CYP39A1: variants seen among roughly 807,000 people sequenced by gnomAD.
The protein encoded by CYP39A1 is cytochrome P450 family 39 subfamily A member 1, also known as 24-hydroxycholesterol 7-alpha-hydroxylase.
In CYP39A1, 49 loss-of-function variants were observed where a neutral mutation model predicts 58.1. That is an observed-to-expected ratio of 0.84 (90% CI 0.67 to 1.07). The LOEUF is 1.07. CYP39A1 is among the 50% of genes least tolerant of loss of function. CYP39A1 has a pLI of 0.00. For missense variants in CYP39A1, 531 were observed against 539.4 expected (o/e 0.98, Z 0.16); for synonymous variants, 209 against 187.6 (o/e 1.11, Z -0.93).
intron 8 of CYP39A1, among the ~76,000 whole-genome samples, chr6:46,595,376 T>A (rs1038778730): frequency 6.6e-6 from 1 of 152,022 alleles, no homozygotes; most frequent in South Asian, 2.1e-4. Context: ...ATAAAATGTA[T>A]ATATACATAA....
At chr6:46,623,984 A>AT (rs34444695) in intron 7 of CYP39A1, among the ~76,000 whole-genome samples, 19,122 of 152,176 alleles carry the variant, frequency 0.13, 1,243 homozygotes, top group Middle Eastern at 0.19. Flanking sequence ...TCGAAGGAGC[A>AT]TTTTTTGTGT....
At chr6:46,641,357 A>G (rs1285464633) in intron 2 of CYP39A1, among the ~76,000 whole-genome samples, 3 of 152,182 alleles carry the variant, frequency 2.0e-5, no homozygotes, top group Non-Finnish European at 4.4e-5. Context: ...AGAAGAAAAA[A>G]TATATATAAT....
At chr6:46,550,870 T>C (rs991832488) in intron 11 of CYP39A1, among the ~76,000 whole-genome samples, 1 of 152,196 alleles carries the variant, frequency 6.6e-6, no homozygotes, top group African/African-American at 2.4e-5. Context: ...AGCGTATTCA[T>C]GATCGTGACT....
intron 10 of CYP39A1, among the ~76,000 whole-genome samples, chr6:46,566,855 C>T (rs1771317865): frequency 6.6e-6 from 1 of 151,694 alleles, no homozygotes; most frequent in African/African-American, 2.4e-5. Flanking sequence ...TATATACACA[C>T]ACATACATAT....
chr6:46,616,152 CTTTCTTTCTT>C (rs1200961865), intron 7 of CYP39A1, among the ~76,000 whole-genome samples: 1 of 7,610 alleles, frequency 1.3e-4, no homozygotes, highest in Non-Finnish European at 2.5e-4. Context: ...TTCTTTCTTT[CTTTCTTTCTT>C]TTTTCTTTCT....
chr6:46,611,589 G>A (rs759878661), intron 7 of CYP39A1, among the ~76,000 whole-genome samples: 31 of 152,140 alleles, frequency 2.0e-4, no homozygotes, highest in Non-Finnish European at 3.7e-4. Context: ...GTTATTTTAA[G>A]AAGTGCTTCT....
chr6:46,636,827 G>T (rs1776018127), intron 4 of CYP39A1, among the ~76,000 whole-genome samples: 1 of 152,170 alleles, frequency 6.6e-6, no homozygotes, highest in South Asian at 2.1e-4. Flanking sequence ...ACCAATCGCT[G>T]ACTTAAGCCG....
intron 8 of CYP39A1, among the ~76,000 whole-genome samples, chr6:46,593,270 G>C (rs1296890700): frequency 6.6e-6 from 1 of 152,082 alleles, no homozygotes; most frequent in Non-Finnish European, 1.5e-5. Context: ...GTTTGAGCAT[G>C]GGTATCTCTT....
chr6:46,572,555 G>A (rs1046289609), intron 10 of CYP39A1, among the ~76,000 whole-genome samples: 1 of 152,234 alleles, frequency 6.6e-6, no homozygotes, highest in East Asian at 1.9e-4. Flanking sequence ...AGGTTCTCTT[G>A]TATGTGACAA....
intron 10 of CYP39A1, among the ~76,000 whole-genome samples, chr6:46,567,336 C>A (rs1182473549): frequency 7.2e-6 from 1 of 139,664 alleles, no homozygotes; most frequent in African/African-American, 3.2e-5. Context: ...GAAAAATATT[C>A]CATATATATA....
At chr6:46,593,986 T>G (rs918706362) in intron 8 of CYP39A1, among the ~76,000 whole-genome samples, 4 of 152,128 alleles carry the variant, frequency 2.6e-5, no homozygotes, top group African/African-American at 9.6e-5. Flanking sequence ...CCTAAAATTG[T>G]CTTCCAGCTA....
chr6:46,629,786 A>G (rs1775536326), intron 6 of CYP39A1, among the ~76,000 whole-genome samples: 1 of 152,236 alleles, frequency 6.6e-6, no homozygotes, highest in South Asian at 2.1e-4. Context: ...GAAAACAAGT[A>G]TATTTAAAAA....
intron 8 of CYP39A1, among the ~76,000 whole-genome samples, chr6:46,592,580 T>C (rs1772904546): frequency 6.6e-6 from 1 of 152,178 alleles, no homozygotes; most frequent in Non-Finnish European, 1.5e-5. Context: ...GAACAGGGAC[T>C]AGTTTAAAAA....
At chr6:46,636,823 C>T (rs904960703) in intron 4 of CYP39A1, among the ~76,000 whole-genome samples, 5 of 152,162 alleles carry the variant, frequency 3.3e-5, no homozygotes, top group African/African-American at 1.2e-4. Context: ...CAGAACCAAT[C>T]GCTGACTTAA....
rs1254860356 is a variant in CYP39A1, at chr6:46,631,013, G to A, written c.790C>T (p.Pro264Ser). Residue 264 changes from proline to serine, a missense_variant, in exon 6 of 12, where the codon CCC (proline) becomes TCC (serine). Physicochemically the swap from Pro to Ser is moderately conservative, Grantham distance 74 (BLOSUM62 -1). Coordinates refer to ENST00000275016, the MANE Select transcript of CYP39A1 (RefSeq NM_016593.5). ...VETETSKENS[P>S]NYGLLLLWAS... ...CAAAGCAGTAAGAGCCCATAATTGG[G>A]TGAGTTTTCCTTACTTGTTTCCGTC... 2.5e-6 allele frequency: 4 copies of A among 1,614,060 alleles called. No individual in the cohort carries two copies. Among genetic ancestry groups the A allele is most frequent in the Non-Finnish European group, 3.4e-6 (4 of 1,180,012 alleles).
intron 7 of CYP39A1, among the ~76,000 whole-genome samples, chr6:46,609,410 G>A (rs1237377512): frequency 3.5e-5 from 5 of 142,160 alleles, no homozygotes; most frequent in African/African-American, 5.2e-5. Context: ...GCGAGACTCC[G>A]TCTCAAAAAA....
intron 10 of CYP39A1, among the ~76,000 whole-genome samples, chr6:46,570,178 T>C (rs1228979746): frequency 1.3e-5 from 2 of 152,142 alleles, no homozygotes; most frequent in East Asian, 3.8e-4. Flanking sequence ...ATCCTATGTG[T>C]TATCTGTTGT....
chr6:46,581,754 G>A (rs1772145187), intron 10 of CYP39A1, among the ~76,000 whole-genome samples: 1 of 152,008 alleles, frequency 6.6e-6, no homozygotes, highest in Non-Finnish European at 1.5e-5. Flanking sequence ...CAACAAACTT[G>A]CACATGTACC....
At chr6:46,600,899 C>A (rs1223049419) in intron 7 of CYP39A1, among the ~76,000 whole-genome samples, 1 of 152,268 alleles carries the variant, frequency 6.6e-6, no homozygotes, top group East Asian at 1.9e-4. Context: ...TTGTGGAAAA[C>A]TCCCGATTTG....
Sources: allele counts gnomAD v4.1 joint callset (sites outside exome capture counted in the v4.1 genomes callset), GRCh38; gene constraint gnomAD v4.1.1; transcripts MANE v1.5; gene names NCBI Gene and HGNC (gene_info 2026-07-23, HGNC 2026-07-21).